The following PCDHA5 variants were observed in gnomAD, a reference collection of about 807,000 sequenced individuals.
PCDHA5 encodes the protein protocadherin alpha 5, also known as protocadherin alpha-5.
PCDHA5 carries 43 observed loss-of-function variants against 61.6 expected under a neutral mutation model. That is an observed-to-expected ratio of 0.70 (90% CI 0.55 to 0.90). PCDHA5 has a LOEUF of 0.90. Ranked by LOEUF, PCDHA5 falls within the 40% of genes least tolerant of loss-of-function variation. The pLI, the probability that PCDHA5 is intolerant of heterozygous loss-of-function variation, is 0.00. For missense variants in PCDHA5, 1,298 were observed against 1,222.7 expected (o/e 1.06, Z -0.92); for synonymous variants, 627 against 543.9 (o/e 1.15, Z -2.13).
Position 140,857,655 on chromosome 5 carries a change from C to G in PCDHA5, c.2352+33528C>G, listed in dbSNP as rs782490979. 3.1e-6 allele frequency: 5 copies of G among 1,596,614 alleles called. No homozygotes were observed. The Admixed American group carries it at 6.7e-5, about 22-fold the overall frequency. ...GAGCTGCTACAGTTCCAGGTGAGCG[C>G]GCGCGATGGGGGCGTGCCGCCTCTG... On this transcript the variant is annotated intron_variant, in intron 1 of 3. Transcript: ENST00000529859.
intron 1 of PCDHA5, among the ~76,000 whole-genome samples, chr5:140,960,837 G>A (rs1554225051): frequency 6.6e-6 from 1 of 151,456 alleles, no homozygotes; most frequent in African/African-American, 2.5e-5. Flanking sequence ...ACTTGGAACA[G>A]GTTTAATGGC....
chr5:140,933,539 G>A (rs1173969458), intron 1 of PCDHA5, among the ~76,000 whole-genome samples: 1 of 152,018 alleles, frequency 6.6e-6, no homozygotes, highest in Non-Finnish European at 1.5e-5. Flanking sequence ...TCAAAATAAT[G>A]TTAATATAAA....
At chr5:140,904,957 A>G (rs2071509370) in intron 1 of PCDHA5, among the ~76,000 whole-genome samples, 1 of 152,156 alleles carries the variant, frequency 6.6e-6, no homozygotes, top group African/African-American at 2.4e-5. Flanking sequence ...TGTCTGATGC[A>G]GAATTTGTGA....
At chr5:140,852,072 G>A in intron 1 of PCDHA5, 2 of 903,554 alleles carry the variant, frequency 2.2e-6, no homozygotes, top group Non-Finnish European at 2.7e-6. Context: ...TTCTCTTTCA[G>A]CTATTTTATT....
At position 140,841,739 on chromosome 5, in the gene PCDHA5, C is replaced by A. The variant is rs2150321877; in HGVS notation, c.2352+17612C>A. The A allele has an allele frequency of 3.7e-6, 6 of 1,613,880 alleles. No homozygotes were observed. In the South Asian group the frequency reaches 6.6e-5, roughly 18 times the overall value. On this transcript the variant is annotated intron_variant, in intron 1 of 3. Coordinates refer to ENST00000529859, the MANE Select transcript of PCDHA5 (RefSeq NM_018908.3). ...AGTGTTCCGGGTAAAAGACCAAAAG[C>A]TGTTTGTTTCAGAATCCAGAATGCC...
rs141394050 is a variant in PCDHA5 at position 140,948,629 on chromosome 5, T to C, written c.2353-30320T>C. 8.2e-3 allele frequency among the ~76,000 whole-genome samples: 1,244 copies of C among 151,828 alleles called. 11 individuals are homozygous for C. Among genetic ancestry groups the C allele is most frequent in the Non-Finnish European group, 0.013 (908 of 67,578 alleles). On this transcript the variant is annotated intron_variant, in intron 1 of 3. Transcript: ENST00000529859. ...TTTTGGCACAAAGTTGTTAATAATA[T>C]TCTCTCATCTTTTAACGTCTGTATA...
At chr5:140,856,911 T>A in intron 1 of PCDHA5, 2 of 1,595,928 alleles carry the variant, frequency 1.3e-6, no homozygotes, top group East Asian at 2.2e-5. Flanking sequence ...CCACCCACGA[T>A]AAGAAGGAAA....
intron 1 of PCDHA5, among the ~76,000 whole-genome samples, chr5:140,832,012 G>A (rs2150199048): frequency 7.9e-5 from 12 of 152,234 alleles, no homozygotes; most frequent in Admixed American, 1.3e-4. Context: ...TTCATTTTAC[G>A]TAAAGATTGA....
chr5:140,870,879 G>A (rs1554164779), intron 1 of PCDHA5: 1 of 1,613,952 alleles, frequency 6.2e-7, no homozygotes, highest in East Asian at 2.2e-5. Flanking sequence ...TGGTGGCGAA[G>A]GTGCGCGCAG....
chr5:141,005,164 G>A (rs782398186), intron 3 of PCDHA5, among the ~76,000 whole-genome samples: 2 of 152,178 alleles, frequency 1.3e-5, no homozygotes, highest in Non-Finnish European at 2.9e-5. Context: ...TAAAGAGTGG[G>A]TACCACTTTC....
At chr5:140,854,950 C>A (rs1427267019) in intron 1 of PCDHA5, among the ~76,000 whole-genome samples, 1 of 149,714 alleles carries the variant, frequency 6.7e-6, no homozygotes, top group African/African-American at 2.4e-5. Context: ...TAATAAATTT[C>A]TTAATTACTT....
intron 1 of PCDHA5, chr5:140,966,609 G>A: frequency 1.4e-6 from 1 of 702,876 alleles, no homozygotes; most frequent in Non-Finnish European, 2.1e-6. Flanking sequence ...CCTTGGGAGG[G>A]CCTACGGAGG....
chr5:140,895,413 C>T (rs141941836), intron 1 of PCDHA5, among the ~76,000 whole-genome samples: 52 of 152,240 alleles, frequency 3.4e-4, no homozygotes, highest in African/African-American at 1.0e-3. Flanking sequence ...GCCCCATAAC[C>T]TTCTTTTGCT....
chr5:140,850,244 G>C, intron 1 of PCDHA5: 1 of 1,593,676 alleles, frequency 6.3e-7, no homozygotes, highest in Non-Finnish European at 8.6e-7. Flanking sequence ...TGGTGCTGCG[G>C]TCGGTGGGCG....
rs2150131813 is a variant in PCDHA5, at chr5:140,824,059, G to T, written c.2284G>T (p.Ala762Ser). Reference sequence around the variant, plus strand: ...GAGACAGAGGGTGTGCTCTGGGGAAGCTCCACCCAAAACAGACCTCATGGC... The same window carrying T: ...GAGACAGAGGGTGTGCTCTGGGGAATCTCCACCCAAAACAGACCTCATGGC... ...QRRQRVCSGE[A>S]PPKTDLMAFS... The change falls in exon 1 of 4, where the codon GCT (alanine) becomes TCT (serine). Residue 762 changes from alanine to serine, a missense_variant. Ala to Ser is a moderately conservative substitution (Grantham distance 99). Coordinates refer to ENST00000529859, the MANE Select transcript of PCDHA5 (RefSeq NM_018908.3). 51 of 1,614,148 alleles carry T rather than the reference G, an allele frequency of 3.2e-5. 1 individual carries two copies. The Middle Eastern group carries it at 1.3e-3, about 42-fold the overall frequency.
In PCDHA5 at chr5:140,950,041, A is replaced by G. The variant is rs139296187; in HGVS notation, c.2353-28908A>G. Among the ~76,000 whole-genome samples, 1,151 of 152,070 alleles carry G rather than the reference A, an allele frequency of 7.6e-3. 13 individuals carry two copies. The highest frequency in any genetic ancestry group is 0.01 in the Non-Finnish European group (711 of 67,812). On this transcript the variant is annotated intron_variant, in intron 1 of 3. Transcript: ENST00000529859. ...CATAAAATATAGAAAAGTTACAACC[A>G]TATAAGACTATTTAGCTCTTCCTGT... is the stretch of plus-strand genomic sequence containing the variant.
At chr5:140,990,114 A>G (rs1392233617) in intron 3 of PCDHA5, among the ~76,000 whole-genome samples, 9 of 151,936 alleles carry the variant, frequency 5.9e-5, no homozygotes, top group Admixed American at 4.6e-4. Flanking sequence ...GGAAATTGAG[A>G]GCTCTGTAGA....
At chr5:140,975,304 G>A (rs1395392874) in intron 1 of PCDHA5, among the ~76,000 whole-genome samples, 2 of 152,200 alleles carry the variant, frequency 1.3e-5, no homozygotes, top group African/African-American at 2.4e-5. Context: ...AAGAGCTCAT[G>A]TGATTATGTC....
chr5:140,843,744 A>C, intron 1 of PCDHA5: 1 of 1,534,810 alleles, frequency 6.5e-7, no homozygotes, highest in Non-Finnish European at 8.9e-7. Context: ...AGAACTCATA[A>C]ATTCTATTTG....
Sources: allele counts gnomAD v4.1 joint callset (sites outside exome capture counted in the v4.1 genomes callset), GRCh38; gene constraint gnomAD v4.1.1; transcripts MANE v1.5; gene names NCBI Gene and HGNC (gene_info 2026-07-23, HGNC 2026-07-21).